COL4A6: variants seen among roughly 807,000 people sequenced by gnomAD.
COL4A6 encodes collagen type IV alpha 6 chain.
Under a neutral mutation model 126.7 loss-of-function variants are expected in COL4A6, and 59 were observed. The ratio of observed to expected loss-of-function variants is 0.47; its 90% confidence interval spans 0.38 to 0.58. The LOEUF (loss-of-function observed/expected upper bound fraction) is 0.58, where lower values mean the gene tolerates loss of function less well. COL4A6 is among the 20% of genes least tolerant of loss of function. The pLI is 0.00. For missense variants in COL4A6, 1,285 were observed against 1,337.3 expected, an observed-to-expected ratio of 0.96 and a Z score of 0.61; for synonymous variants, 547 against 496.6, an observed-to-expected ratio of 1.10 and a Z score of -1.35.
intron 3 of COL4A6, among the ~76,000 whole-genome samples, chrX:108,303,331 G>C (rs1188889187): frequency 9.0e-6 from 1 of 110,800 alleles, no homozygotes; most frequent in Admixed American, 9.6e-5. Flanking sequence ...GACTAGGGAG[G>C]AAAGGAAGAA....
chrX:108,159,370 C>G, intron 44 of COL4A6, 92 bp downstream of exon 44: 1 of 1,019,711 alleles, frequency 9.8e-7, no homozygotes, highest in Non-Finnish European at 1.3e-6. Flanking sequence ...TTTTCAAACT[C>G]TATGCTTTCT....
intron 2 of COL4A6, among the ~76,000 whole-genome samples, chrX:108,376,877 G>A (rs1307459279): frequency 8.9e-6 from 1 of 112,569 alleles, no homozygotes; most frequent in East Asian, 2.8e-4. Context: ...TGAAGGGCTG[G>A]GTTGCCCCTC....
chrX:108,368,240 A>G (rs916525651), intron 2 of COL4A6, among the ~76,000 whole-genome samples: 76 of 5,261 alleles, frequency 0.014, no homozygotes, highest in Non-Finnish European at 0.015. Context: ...CTACAAACCC[A>G]TATAGCAGTA....
chrX:108,329,819 G>A lies in COL4A6; in HGVS notation c.64-18991C>T, dbSNP rs376406858. On this transcript the variant is annotated intron_variant, in intron 2 of 44. Coordinates refer to ENST00000334504, the MANE Select transcript of COL4A6 (RefSeq NM_033641.4). ...TGAGTTGGTAAATGGACGGATTAAGGTGAATGACTGAACCTTTGTGGGAAG... is the reference window on the plus strand; with the variant it reads ...TGAGTTGGTAAATGGACGGATTAAGATGAATGACTGAACCTTTGTGGGAAG... 2.7e-5 allele frequency among the ~76,000 whole-genome samples: 3 copies of A among 110,852 alleles called. No individual in the cohort carries two copies. In the East Asian group the frequency reaches 8.5e-4, roughly 31 times the overall value.
intron 40 of COL4A6, among the ~76,000 whole-genome samples, chrX:108,164,294 G>A (rs1296268274): frequency 9.0e-6 from 1 of 111,348 alleles, no homozygotes; most frequent in Non-Finnish European, 1.9e-5. Context: ...CTTTATTTCT[G>A]AATTGAGCAA....
At chrX:108,260,809 G>A (rs2037141419) in intron 3 of COL4A6, among the ~76,000 whole-genome samples, 1 of 108,977 alleles carries the variant, frequency 9.2e-6, no homozygotes, top group African/African-American at 3.3e-5. Context: ...TGGTGATACT[G>A]TTTTCCTAAT....
At chrX:108,433,338 TA>T (rs1313864325) in intron 2 of COL4A6, among the ~76,000 whole-genome samples, 4 of 111,071 alleles carry the variant, frequency 3.6e-5, no homozygotes, top group African/African-American at 1.3e-4. Context: ...TTAAACCAAG[TA>T]AAAGCCCTAT....
chrX:108,224,360 G>T (rs935622786), intron 3 of COL4A6, among the ~76,000 whole-genome samples: 2 of 112,232 alleles, frequency 1.8e-5, no homozygotes, highest in Non-Finnish European at 3.8e-5. Context: ...TTTCCAAATA[G>T]AAGTTTGAAA....
chrX:108,243,468 G>A (rs925783440), intron 3 of COL4A6, among the ~76,000 whole-genome samples: 1 of 111,045 alleles, frequency 9.0e-6, no homozygotes, highest in African/African-American at 3.3e-5. Flanking sequence ...ATAAAACCAG[G>A]CCACCCCATA....
rs769210125 is a variant in COL4A6 at position 108,164,738 on chromosome X, G to A, written c.3971-40C>T. On this transcript the variant is annotated intron_variant, in intron 39 of 44. Transcript: ENST00000334504. ...AGGAAGCAAGTCAGGTCCCGGCATG[G>A]TAGGGGTGGTAGGGGTGGAGGATAG... is the stretch of plus-strand genomic sequence containing the variant. 7 of 1,177,514 alleles carry A rather than the reference G, an allele frequency of 5.9e-6. No homozygotes were observed. In the South Asian group the frequency reaches 1.1e-4, roughly 18 times the overall value.
chrX:108,188,558 C>T lies in COL4A6; in HGVS notation c.1546G>A (p.Asp516Asn). 8.5e-7 allele frequency: 1 copy of T among 1,175,542 alleles called. No homozygotes were observed. The highest frequency in any genetic ancestry group is 1.1e-6 in the Non-Finnish European group (1 of 877,336). ...CCCTGTGCACCCCCAGAGCCTCGAT[C>T]TCCTCTGGCTCCTTTAAGGCCTGGA... ...GLPGLKGARG[D>N]RGSGGAQGPA... Residue 516 changes from aspartate to asparagine, a missense_variant, in exon 21 of 45, where the codon GAT (aspartate) becomes AAT (asparagine). By Grantham distance (23) the Asp-to-Asn change is conservative. Transcript: ENST00000334504.
chrX:108,200,835 G>A (rs1569349458), intron 13 of COL4A6, among the ~76,000 whole-genome samples: 1 of 112,097 alleles, frequency 8.9e-6, no homozygotes. Flanking sequence ...CCATTACACA[G>A]TCTGTGCATG....
chrX:108,157,257 T>C lies in COL4A6; in HGVS notation c.4816A>G (p.Thr1606Ala), dbSNP rs1312046611. 1.7e-6 allele frequency: 2 copies of C among 1,209,560 alleles called. No homozygotes were observed. The highest frequency in any genetic ancestry group is 2.2e-6 in the Non-Finnish European group (2 of 894,199). ...CCTCCACCCTCGGCACCAGCGGCAG[T>C]GTGCTGAAACAGACAGGAGATTAGT... Reference protein sequence around the residue: ...LWIGYSFLMHTAAGAEGGGQS... With the variant: ...LWIGYSFLMHAAAGAEGGGQS... The change falls in exon 45 of 45, where the codon ACT (threonine) becomes GCT (alanine). Residue 1606 changes from threonine (T) to alanine (A), a missense_variant. Coordinates refer to ENST00000334504, the MANE Select transcript of COL4A6 (RefSeq NM_033641.4).
Position 108,156,650 on chromosome X carries a change from G to A in COL4A6, c.*350C>T. ...GTACATGAAGAAATGACTGATTAGC[G>A]ATTAGGAAGAGCTTTCCGATCAAGA... On this transcript the variant is annotated 3_prime_UTR_variant, in exon 45 of 45. Coordinates refer to ENST00000334504, the MANE Select transcript of COL4A6 (RefSeq NM_033641.4). 1 of 258,474 alleles carries A rather than the reference G, an allele frequency of 3.9e-6. No homozygotes were observed. 21.3% of individuals were successfully genotyped at this position (258,474 alleles called of 1,213,427 possible).
intron 17 of COL4A6, among the ~76,000 whole-genome samples, 195 bp downstream of exon 17, chrX:108,193,433 T>C (rs6622297): frequency 9.0e-5 from 10 of 111,107 alleles, no homozygotes; most frequent in African/African-American, 3.3e-4. Flanking sequence ...AAAAATGGGG[T>C]GCTGGGCTTG....
chrX:108,259,769 TAA>T (rs1228641639), intron 3 of COL4A6, among the ~76,000 whole-genome samples: 1 of 111,876 alleles, frequency 8.9e-6, no homozygotes, highest in African/African-American at 3.2e-5. Context: ...TGTTGTAATT[TAA>T]ATGCCCTAGC....
intron 2 of COL4A6, among the ~76,000 whole-genome samples, chrX:108,361,809 G>A (rs763298888): frequency 9.0e-6 from 1 of 111,717 alleles, no homozygotes; most frequent in South Asian, 3.8e-4. Flanking sequence ...ACCATCAGAT[G>A]TTGTTGTATA....
chrX:108,163,873 G>C (rs1165345590), intron 40 of COL4A6, among the ~76,000 whole-genome samples: 1 of 112,378 alleles, frequency 8.9e-6, no homozygotes, highest in African/African-American at 3.2e-5. Context: ...GAAGTAGCAT[G>C]TGCAAAGGCC....
chrX:108,389,568 T>C (rs1446812350), intron 2 of COL4A6, among the ~76,000 whole-genome samples: 2 of 111,169 alleles, frequency 1.8e-5, no homozygotes, highest in African/African-American at 6.5e-5. Flanking sequence ...TTTTTTTGCT[T>C]TCCATTTGCT....
Sources: allele counts gnomAD v4.1 joint callset (sites outside exome capture counted in the v4.1 genomes callset), GRCh38; gene constraint gnomAD v4.1.1; transcripts MANE v1.5; gene names NCBI Gene and HGNC (gene_info 2026-07-23, HGNC 2026-07-21).